The following BSPH1 variants were observed in gnomAD, a reference collection of about 807,000 sequenced individuals.
BSPH1 encodes the protein binder of sperm protein homolog 1.
Under a neutral mutation model 22.5 loss-of-function variants are expected in BSPH1, and 21 were observed. That is an observed-to-expected ratio of 0.93 (90% confidence interval 0.66 to 1.35). BSPH1 has a LOEUF of 1.35. Ranked by LOEUF, BSPH1 falls within the 40% of genes most tolerant of loss-of-function variation. The pLI is 0.00. For missense variants in BSPH1, 141 were observed against 154.2 expected, an observed-to-expected ratio of 0.91 and a Z score of 0.45; for synonymous variants, 42 against 53.6, an observed-to-expected ratio of 0.78 and a Z score of 0.95.
At chr19:47,977,557 A>C in intron 3 of BSPH1, 53 bp from the exon 4 acceptor site, 1 of 1,538,940 alleles carries the variant, frequency 6.5e-7, no homozygotes, top group Non-Finnish European at 8.8e-7. Flanking sequence ...GAGAGAGGTT[A>C]TCAAGCGACT....
At chr19:47,969,645 T>C (rs1969290582) in intron 5 of BSPH1, among the ~76,000 whole-genome samples, 1 of 141,406 alleles carries the variant, frequency 7.1e-6, no homozygotes, top group South Asian at 2.3e-4. Context: ...GAACAGCAGA[T>C]TGTAGGAAGA....
At position 47,992,057 on chromosome 19, in the gene BSPH1, C is replaced by G; in HGVS notation, c.25G>C (p.Val9Leu). The G allele has an allele frequency of 6.4e-7, 1 of 1,551,370 alleles. No homozygotes were observed. Among genetic ancestry groups the G allele is most frequent in the East Asian group, 2.4e-5 (1 of 40,892 alleles). Reference protein sequence around the residue: MGSLMLLFVETTRNSSACI... With the variant: MGSLMLLFLETTRNSSACI... The stretch of plus-strand genomic sequence containing the variant: ...GCTGAGGAATTTCGCGTCGTTTCCA[C>G]GAAGAGAAGCATCAGGGAGCCCATG... Residue 9 changes from valine (V) to leucine (L), a missense_variant, in exon 1 of 6, where the codon GTG (valine) becomes CTG (leucine). Val to Leu is a conservative substitution (Grantham distance 32). Transcript: ENST00000344839.
intron 1 of BSPH1, 137 bp downstream of exon 1, chr19:47,991,869 CCTT>C (rs1966875629): frequency 1.4e-5 from 6 of 426,134 alleles, no homozygotes; most frequent in Admixed American, 3.2e-5. Context: ...TGCCTCTTCT[CCTT>C]CCTCCTCCTT....
chr19:47,986,770 TA>T (rs1159741889), intron 1 of BSPH1, among the ~76,000 whole-genome samples: 3 of 151,232 alleles, frequency 2.0e-5, no homozygotes, highest in East Asian at 1.9e-4. Flanking sequence ...AAAATAAAAA[TA>T]AAAAAAATCT....
At chr19:47,975,816 C>A (rs55943728) in intron 5 of BSPH1, among the ~76,000 whole-genome samples, 1,748 of 151,988 alleles carry the variant, frequency 0.012, 28 homozygotes, top group East Asian at 0.042. Flanking sequence ...CCACCACGCC[C>A]GGCTAATTTT....
intron 1 of BSPH1, among the ~76,000 whole-genome samples, chr19:47,987,886 G>A (rs1185790798): frequency 6.6e-6 from 1 of 152,048 alleles, no homozygotes; most frequent in African/African-American, 2.4e-5. Flanking sequence ...TCCCGTACTG[G>A]GAGGCTGAGT....
In BSPH1 at chr19:47,977,705, A is replaced by T. The variant is rs1007923482; in HGVS notation, c.125-201T>A. 3.0e-6 allele frequency: 3 copies of T among 984,306 alleles called. No homozygotes were observed. In the African/African-American group the frequency reaches 5.3e-5, roughly 17 times the overall value. The allele number at this position is 984,306 out of a possible 1,614,324, so 61.0% of individuals were successfully genotyped here. A position where few individuals can be genotyped will look rare whatever the true frequency, so the allele number is the denominator to read the frequency against. On this transcript the variant is annotated intron_variant, in intron 3 of 5. Coordinates refer to ENST00000344839, the MANE Select transcript of BSPH1 (RefSeq NM_001128326.2). ...TGTTTTATATTCCTGCCCCTGCCCT[A>T]CTTCTTTTCCAGGTTATAAACAGTC...
chr19:47,971,086 C>T (rs1455076334), intron 5 of BSPH1, among the ~76,000 whole-genome samples: 9 of 152,146 alleles, frequency 5.9e-5, no homozygotes, highest in South Asian at 2.1e-4. Context: ...ACTTCTGAAC[C>T]ACAGCCATGG....
chr19:47,990,386 T>C (rs923877685), intron 1 of BSPH1, among the ~76,000 whole-genome samples: 3 of 152,100 alleles, frequency 2.0e-5, no homozygotes, highest in African/African-American at 7.2e-5. Context: ...AGACCAGACA[T>C]TGACAGCGGA....
intron 5 of BSPH1, among the ~76,000 whole-genome samples, chr19:47,974,751 A>G (rs1969345674): frequency 6.7e-6 from 1 of 149,138 alleles, no homozygotes; most frequent in African/African-American, 2.5e-5. Context: ...ATACTGCACT[A>G]TTATCTATAG....
intron 5 of BSPH1, among the ~76,000 whole-genome samples, chr19:47,975,920 G>T (rs1252456154): frequency 1.3e-5 from 2 of 152,184 alleles, no homozygotes; most frequent in East Asian, 1.9e-4. Flanking sequence ...CTCCCAAAGT[G>T]CTGGGATTAC....
chr19:47,989,608 C>T (rs1969504191), intron 1 of BSPH1, among the ~76,000 whole-genome samples: 2 of 152,114 alleles, frequency 1.3e-5, no homozygotes, highest in Non-Finnish European at 2.9e-5. Flanking sequence ...CCAGATTTCC[C>T]TCCAGCATCT....
intron 1 of BSPH1, among the ~76,000 whole-genome samples, chr19:47,988,700 C>G (rs547720439): frequency 6.6e-6 from 1 of 152,242 alleles, no homozygotes; most frequent in South Asian, 2.1e-4. Flanking sequence ...AAAGCCTGAA[C>G]TGGCAAAAGT....
At chr19:47,973,839 C>G (rs1003556246) in intron 5 of BSPH1, among the ~76,000 whole-genome samples, 4 of 152,182 alleles carry the variant, frequency 2.6e-5, no homozygotes, top group Non-Finnish European at 5.9e-5. Context: ...CTTTCATTCA[C>G]TGCCATCTTT....
chr19:47,983,664 T>C (rs926861387), intron 1 of BSPH1, among the ~76,000 whole-genome samples: 5 of 152,152 alleles, frequency 3.3e-5, no homozygotes, highest in Admixed American at 6.6e-5. Context: ...GTTGTGAATG[T>C]TGGGATGTTA....
chr19:47,976,100 A>C (rs202031435), intron 5 of BSPH1, among the ~76,000 whole-genome samples: 2 of 152,330 alleles, frequency 1.3e-5, no homozygotes, highest in East Asian at 3.9e-4. Context: ...GTTGCAATTG[A>C]TGAATCTACA....
intron 5 of BSPH1, among the ~76,000 whole-genome samples, chr19:47,974,269 CTTTTTT>C (rs558434334): frequency 1.3e-5 from 1 of 75,994 alleles, no homozygotes; most frequent in Non-Finnish European, 2.6e-5. Context: ...CTCTCTCTCT[CTTTTTT>C]TTTTTTTTTT....
intron 3 of BSPH1, chr19:47,977,721 A>G: frequency 1.0e-6 from 1 of 979,914 alleles, no homozygotes; most frequent in Non-Finnish European, 1.2e-6. Context: ...TTTCCAGGTT[A>G]TAAACAGTCT....
chr19:47,991,643 C>CCGT (rs1568400460), intron 1 of BSPH1, among the ~76,000 whole-genome samples: 1 of 40,808 alleles, frequency 2.5e-5, no homozygotes, highest in Admixed American at 2.4e-4. Context: ...CTCCTCCTTC[C>CCGT]CCTCCTCCTC....
Sources: allele counts gnomAD v4.1 joint callset (sites outside exome capture counted in the v4.1 genomes callset), GRCh38; gene constraint gnomAD v4.1.1; transcripts MANE v1.5; gene names NCBI Gene and HGNC (gene_info 2026-07-23, HGNC 2026-07-21).